KNDC1: variants seen among roughly 807,000 people sequenced by gnomAD.
KNDC1 encodes the protein kinase non-catalytic C-lobe domain containing 1.
KNDC1 carries 106 observed loss-of-function variants against 172.8 expected under a neutral mutation model. The ratio of observed to expected loss-of-function variants is 0.61; its 90% CI spans 0.52 to 0.72. The LOEUF is 0.72. Among genes scored for constraint, KNDC1 ranks in the 30% least tolerant of loss-of-function variants. The probability of loss-of-function intolerance (pLI) is 0.00; values close to 1 mark genes in which losing one functional copy is unlikely to be tolerated. For missense variants in KNDC1, 2,325 were observed against 2,394.5 expected (o/e 0.97, Z 0.61); for synonymous variants, 1,083 against 1,062.2 (o/e 1.02, Z -0.38).
chr10:133,189,309 A>T (rs1212739672), intron 7 of KNDC1, among the ~76,000 whole-genome samples: 1 of 152,114 alleles, frequency 6.6e-6, no homozygotes, highest in African/African-American at 2.4e-5. Flanking sequence ...GGGGGCTTCA[A>T]GTTACCGTGT....
At chr10:133,167,643 G>C in intron 2 of KNDC1, 64 bp downstream of exon 2, 3 of 1,491,858 alleles carry the variant, frequency 2.0e-6, no homozygotes, top group South Asian at 1.2e-5. Flanking sequence ...TTTCAGGGGG[G>C]ATGTGAGCAC....
intron 3 of KNDC1, chr10:133,179,146 C>G (rs951534936): frequency 2.6e-5 from 4 of 152,200 alleles, no homozygotes; most frequent in African/African-American, 9.7e-5. Flanking sequence ...CAGAAGGCAC[C>G]CCGGTCCTTG....
chr10:133,178,002 ATG>A (rs1000873533), intron 3 of KNDC1, among the ~76,000 whole-genome samples: 1 of 140,530 alleles, frequency 7.1e-6, no homozygotes, highest in Non-Finnish European at 1.5e-5. Flanking sequence ...GTGTGCATGT[ATG>A]TGGTGTGTGC....
chr10:133,183,204 G>A (rs1166182981), intron 3 of KNDC1, 140 bp from the exon 4 acceptor site: 1 of 1,070,072 alleles, frequency 9.3e-7, no homozygotes, highest in Non-Finnish European at 1.3e-6. Context: ...GGTGTGGGCA[G>A]CGTGGGCACG....
rs2135996444 is a variant in KNDC1 at position 133,198,744 on chromosome 10, C to T, written c.2236C>T (p.Leu746Phe). The change falls in exon 14 of 30, where the codon CTT becomes TTT. Residue 746 changes from leucine (L) to phenylalanine (F), a missense_variant. Leu to Phe is a conservative substitution (Grantham distance 22). Transcript: ENST00000304613. Reference protein sequence around the residue: ...PGPQGAAPEPLGASVQRDSAQ... With the variant: ...PGPQGAAPEPFGASVQRDSAQ... Reference sequence around the variant, plus strand: ...GCCACAGGGAGCAGCCCCAGAGCCTCTTGGGGCGTCAGTGCAGCGTGACTC... The same window carrying T: ...GCCACAGGGAGCAGCCCCAGAGCCTTTTGGGGCGTCAGTGCAGCGTGACTC... 1 of 1,580,352 alleles carries T rather than the reference C, an allele frequency of 6.3e-7. No individual in the cohort carries two copies. The highest frequency in any genetic ancestry group is 1.3e-5 in the African/African-American group (1 of 74,390).
At chr10:133,210,512 A>AGTT in intron 20 of KNDC1, 99 bp from the exon 21 acceptor site, 1 of 715,158 alleles carries the variant, frequency 1.4e-6, no homozygotes, top group Non-Finnish European at 2.6e-6. Flanking sequence ...CTCAAAGAAA[A>AGTT]CGCACACACA....
At chr10:133,177,379 C>T (rs1024038850) in intron 3 of KNDC1, among the ~76,000 whole-genome samples, 11 of 152,158 alleles carry the variant, frequency 7.2e-5, no homozygotes, top group Admixed American at 2.6e-4. Flanking sequence ...GTTGTGCACA[C>T]GTATGCAGTA....
In KNDC1 at chr10:133,183,420, T is replaced by C; in HGVS notation, c.437T>C (p.Leu146Pro). ...GCAGAGCCCACACTGGAACCCAGGC[T>C]GAGCCAAGACCTCGAGGCGCTGCTG... ...YVAEPTLEPR[L>P]SQDLEALLSR... The change falls in exon 4 of 30, where the codon CTG (leucine) becomes CCG (proline). Residue 146 changes from leucine to proline, a missense_variant. Transcript: ENST00000304613. 1.2e-6 allele frequency: 2 copies of C among 1,605,062 alleles called. No homozygotes were observed. The highest frequency in any genetic ancestry group is 2.0e-4 in the Middle Eastern group (1 of 5,082).
chr10:133,186,486 G>A lies in KNDC1; in HGVS notation c.1138G>A (p.Gly380Ser). 3.1e-6 allele frequency: 5 copies of A among 1,612,354 alleles called. No homozygotes were observed. The highest frequency in any genetic ancestry group is 4.2e-6 in the Non-Finnish European group (5 of 1,179,722). ...CCAGCTGGGACGGGTTCCCTGTGCA[G>A]GCCGCAGCACGGACAGGGGCCCTGG... ...EHQLGRVPCAGRSTDRGPGVP... is the reference protein window; with the variant it reads ...EHQLGRVPCASRSTDRGPGVP... Residue 380 changes from glycine to serine, a missense_variant, in exon 6 of 30, where the codon GGC (glycine) becomes AGC (serine). Physicochemically the swap from Gly to Ser is moderately conservative, Grantham distance 56. Coordinates refer to ENST00000304613, the MANE Select transcript of KNDC1 (RefSeq NM_152643.8).
intron 3 of KNDC1, among the ~76,000 whole-genome samples, chr10:133,177,573 A>G (rs547707616): frequency 3.3e-4 from 49 of 150,430 alleles, no homozygotes; most frequent in Non-Finnish European, 7.2e-4. Flanking sequence ...GTGTACATGC[A>G]TGTGGTGTGT....
chr10:133,169,210 C>T (rs1344546582), intron 3 of KNDC1, among the ~76,000 whole-genome samples: 1 of 152,238 alleles, frequency 6.6e-6, no homozygotes, highest in Non-Finnish European at 1.5e-5. Flanking sequence ...CCTGTAATCC[C>T]AGCGCTCTGG....
At chr10:133,202,925 G>A (rs1362313103) in intron 17 of KNDC1, among the ~76,000 whole-genome samples, 1 of 152,174 alleles carries the variant, frequency 6.6e-6, no homozygotes, top group African/African-American at 2.4e-5. Context: ...AGGGCGGCCG[G>A]CACAGCAAAC....
Position 133,207,126 on chromosome 10 carries a change from C to T in KNDC1, c.3580-11C>T, listed in dbSNP as rs528343851. 118 of 1,573,922 alleles carry T rather than the reference C, an allele frequency of 7.5e-5. 3 individuals are homozygous for T. In the South Asian group the frequency reaches 1.0e-3, roughly 14 times the overall value. ...GCAGAGTGACCAAGCGCCCGTGTCC[C>T]GCTCCGGCAGGTCATGTACGCGGAA... On this transcript the variant is annotated splice_polypyrimidine_tract_variant and intron_variant, in intron 19 of 29. Transcript: ENST00000304613.
At position 133,218,846 on chromosome 10, in the gene KNDC1, C is replaced by T. The variant is rs751977821; in HGVS notation, c.4693C>T (p.Leu1565=). 1.7e-5 allele frequency: 28 copies of T among 1,611,388 alleles called. No homozygotes were observed. The Admixed American group carries it at 4.2e-4, about 24-fold the overall frequency. The change falls in exon 27 of 30, where the codon CTG becomes TTG. Residue 1565 remains leucine, a synonymous_variant. Transcript: ENST00000304613. ...SHTSKLQVNL[L]SKFLLIAKSC... ...CTTATTGCAGCTGCAGGTGAACTTG[C>T]TGTCCAAATTTTTGCTGATTGCAAA...
In KNDC1 at chr10:133,201,612, T is replaced by C. The variant is rs1472218831; in HGVS notation, c.3101T>C (p.Phe1034Ser). ...ALSRGNFEVG[F>S]RPQRSVKAER... ...TCACGGGGAAACTTCGAGGTGGGGT[T>C]TCGGCCTCAGAGGTCCGTAAAAGCC... The change falls in exon 17 of 30, where the codon TTT becomes TCT. Residue 1034 changes from phenylalanine (F) to serine (S), a missense_variant. By Grantham distance (155) the Phe-to-Ser change is radical. Transcript: ENST00000304613. The C allele has an allele frequency of 9.9e-6, 16 of 1,613,118 alleles. No homozygotes were observed. The highest frequency in any genetic ancestry group is 1.7e-4 in the Middle Eastern group (1 of 6,012).
chr10:133,224,912 A>C lies in KNDC1; in HGVS notation c.*22A>C. 3 of 1,585,552 alleles carry C rather than the reference A, an allele frequency of 1.9e-6. No homozygotes were observed. The highest frequency in any genetic ancestry group is 2.6e-6 in the Non-Finnish European group (3 of 1,155,882). On this transcript the variant is annotated 3_prime_UTR_variant, in exon 30 of 30. Coordinates refer to ENST00000304613, the MANE Select transcript of KNDC1 (RefSeq NM_152643.8). The surrounding 1 kb of genome is among the most constrained non-coding windows in gnomAD (Gnocchi z 5.4). ...GTAGCCGAGCTCGGGCCTGGTGTGG[A>C]ATTCCAGATCCGAATCCGACTGTGG...
At position 133,198,722 on chromosome 10, in the gene KNDC1, A is replaced by G. The variant is rs780880273; in HGVS notation, c.2214A>G (p.Pro738=). ...TPDGPVPGPG[P]QGAAPEPLGA... Reference sequence around the variant, plus strand: ...ACGGGCCGGTGCCTGGTCCGGGGCCACAGGGAGCAGCCCCAGAGCCTCTTG... The same window carrying G: ...ACGGGCCGGTGCCTGGTCCGGGGCCGCAGGGAGCAGCCCCAGAGCCTCTTG... Residue 738 remains proline (P), a synonymous_variant, in exon 14 of 30, where the codon CCA becomes CCG. Coordinates refer to ENST00000304613, the MANE Select transcript of KNDC1 (RefSeq NM_152643.8). 7 of 1,576,516 alleles carry G rather than the reference A, an allele frequency of 4.4e-6. No individual in the cohort carries two copies. The highest frequency in any genetic ancestry group is 2.3e-5 in the East Asian group (1 of 43,040).
intron 5 of KNDC1, among the ~76,000 whole-genome samples, chr10:133,184,197 T>C (rs1465344591): frequency 5.4e-5 from 7 of 130,558 alleles, no homozygotes; most frequent in South Asian, 2.5e-4. Flanking sequence ...CCTATGCACA[T>C]GCACACCCAT....
intron 5 of KNDC1, among the ~76,000 whole-genome samples, chr10:133,184,555 G>A (rs1392245473): frequency 6.6e-6 from 1 of 152,240 alleles, no homozygotes; most frequent in African/African-American, 2.4e-5. Flanking sequence ...AGGCATGCCT[G>A]TTCACACTGC....
Sources: allele counts gnomAD v4.1 joint callset (sites outside exome capture counted in the v4.1 genomes callset), GRCh38; gene constraint gnomAD v4.1.1; non-coding constraint Gnocchi (gnomAD v3.1); transcripts MANE v1.5; gene names NCBI Gene and HGNC (gene_info 2026-07-23, HGNC 2026-07-21).